GABRA5: variants seen among roughly 807,000 people sequenced by gnomAD.
The protein encoded by GABRA5 is gamma-aminobutyric acid receptor subunit alpha-5.
In GABRA5, 18 loss-of-function variants were observed where a neutral mutation model predicts 47.3. The observed-to-expected ratio is 0.38, with a 90% CI of 0.26 to 0.56. The LOEUF (loss-of-function observed/expected upper bound fraction) is 0.56. GABRA5 is among the 20% of genes least tolerant of loss of function. The probability of loss-of-function intolerance (pLI) is 0.71; values close to 1 mark genes in which losing one functional copy is unlikely to be tolerated. For missense variants in GABRA5, 365 were observed against 599.3 expected, an observed-to-expected ratio of 0.61 and a Z score of 4.08; for synonymous variants, 237 against 229.3, an observed-to-expected ratio of 1.03 and a Z score of -0.30.
At chr15:26,887,162 C>G (rs1409566120) in intron 6 of GABRA5, among the ~76,000 whole-genome samples, 2 of 152,122 alleles carry the variant, frequency 1.3e-5, no homozygotes, top group African/African-American at 4.8e-5. Context: ...GCTTTATGCA[C>G]AAAGGTGTCT....
intron 10 of GABRA5, among the ~76,000 whole-genome samples, chr15:26,946,786 A>AT (rs1332998225): frequency 2.2e-4 from 5 of 22,430 alleles, no homozygotes; most frequent in Admixed American, 1.9e-3. Flanking sequence ...AGAATTTTAT[A>AT]TCCAAAAAAA....
At chr15:26,933,073 A>G (rs1310829007) in intron 7 of GABRA5, among the ~76,000 whole-genome samples, 1 of 150,764 alleles carries the variant, frequency 6.6e-6, no homozygotes, top group Non-Finnish European at 1.5e-5. Context: ...ACAAACAGGC[A>G]CATCCTGCAC....
chr15:26,921,403 G>A (rs1287793197), intron 7 of GABRA5, among the ~76,000 whole-genome samples: 1 of 152,090 alleles, frequency 6.6e-6, no homozygotes, highest in Non-Finnish European at 1.5e-5. Flanking sequence ...TTTGTGTAGA[G>A]TTGTTCATAG....
chr15:26,891,751 C>G (rs1342204085), intron 6 of GABRA5, among the ~76,000 whole-genome samples: 1 of 152,196 alleles, frequency 6.6e-6, no homozygotes, highest in African/African-American at 2.4e-5. Flanking sequence ...TAGTGCGCAG[C>G]CAGCCTGCAC....
chr15:26,888,063 C>T (rs1892921539), intron 6 of GABRA5, among the ~76,000 whole-genome samples: 2 of 152,152 alleles, frequency 1.3e-5, no homozygotes, highest in South Asian at 4.1e-4. Flanking sequence ...AGTGAGCTGG[C>T]ATTCTTTACA....
intron 6 of GABRA5, among the ~76,000 whole-genome samples, chr15:26,891,790 C>T (rs1393322789): frequency 1.3e-5 from 2 of 152,224 alleles, no homozygotes; most frequent in African/African-American, 4.8e-5. Context: ...ACACCAGAGT[C>T]CCGAGTCAGG....
At chr15:26,873,735 C>A (rs1892525461) in intron 3 of GABRA5, among the ~76,000 whole-genome samples, 1 of 152,180 alleles carries the variant, frequency 6.6e-6, no homozygotes, top group Admixed American at 6.5e-5. Context: ...TGCACCATAG[C>A]TGCGGGTTCA....
chr15:26,939,321 A>T, intron 8 of GABRA5: 1 of 765,316 alleles, frequency 1.3e-6, no homozygotes, highest in Non-Finnish European at 2.4e-6. Context: ...AATCCAGAGA[A>T]GGCACTGGGG....
chr15:26,934,726 G>A (rs1894194800), intron 7 of GABRA5, among the ~76,000 whole-genome samples: 1 of 152,112 alleles, frequency 6.6e-6, no homozygotes, highest in African/African-American at 2.4e-5. Flanking sequence ...GTCCACCCTG[G>A]TAGTGAGTGT....
intron 6 of GABRA5, among the ~76,000 whole-genome samples, chr15:26,891,474 C>T (rs150973315): frequency 2.3e-4 from 35 of 152,306 alleles, no homozygotes; most frequent in Admixed American, 1.1e-3. Flanking sequence ...ATATAGCAAG[C>T]ATGCAACAGG....
At chr15:26,888,727 T>C (rs1892936791) in intron 6 of GABRA5, among the ~76,000 whole-genome samples, 1 of 152,206 alleles carries the variant, frequency 6.6e-6, no homozygotes, top group East Asian at 1.9e-4. Context: ...ACCAAGTGAA[T>C]TGGGAGGCAA....
chr15:26,873,721 T>C (rs1892525172), intron 3 of GABRA5, among the ~76,000 whole-genome samples: 1 of 152,208 alleles, frequency 6.6e-6, no homozygotes, highest in Non-Finnish European at 1.5e-5. Flanking sequence ...TGACAAATTC[T>C]TCCTGCACCA....
intron 10 of GABRA5, among the ~76,000 whole-genome samples, chr15:26,946,210 TC>T (rs1355590937): frequency 1.3e-5 from 2 of 152,214 alleles, no homozygotes; most frequent in African/African-American, 4.8e-5. Context: ...TTTTCTTTAC[TC>T]TCTTGTGTTT....
intron 6 of GABRA5, among the ~76,000 whole-genome samples, chr15:26,895,812 C>CAAAAAAAAA (rs376170037): frequency 1.8e-4 from 22 of 123,248 alleles, no homozygotes; most frequent in African/African-American, 7.5e-4. Context: ...AAGACTCCGT[C>CAAAAAAAAA]AAAAAAAAAA....
chr15:26,933,722 G>C (rs1894164127), intron 7 of GABRA5, among the ~76,000 whole-genome samples: 1 of 152,144 alleles, frequency 6.6e-6, no homozygotes, highest in African/African-American at 2.4e-5. Context: ...ATCCCCATTG[G>C]CTTATTCCTC....
intron 3 of GABRA5, among the ~76,000 whole-genome samples, chr15:26,874,052 CT>C (rs1440258329): frequency 2.0e-5 from 3 of 152,244 alleles, no homozygotes; most frequent in Non-Finnish European, 4.4e-5. Flanking sequence ...TCCGCCAAGA[CT>C]GTCTGGCAGT....
chr15:26,916,974 G>GT (rs1893730655), intron 7 of GABRA5, among the ~76,000 whole-genome samples: 1 of 152,040 alleles, frequency 6.6e-6, no homozygotes, highest in Non-Finnish European at 1.5e-5. Flanking sequence ...TTTTGGTGGA[G>GT]TTTTTTGGGT....
intron 7 of GABRA5, among the ~76,000 whole-genome samples, chr15:26,932,277 A>G (rs1310531384): frequency 2.0e-5 from 3 of 152,224 alleles, no homozygotes; most frequent in Non-Finnish European, 4.4e-5. Context: ...TTGCAAGGAA[A>G]AAAACAACCC....
chr15:26,943,159 G>A, intron 9 of GABRA5, 56 bp from the exon 10 acceptor site: 4 of 1,317,216 alleles, frequency 3.0e-6, no homozygotes, highest in Non-Finnish European at 4.2e-6. Context: ...GGGGTCCTGG[G>A]TGCCAGCACT....
Sources: allele counts gnomAD v4.1 joint callset (sites outside exome capture counted in the v4.1 genomes callset), GRCh38; gene constraint gnomAD v4.1.1; transcripts MANE v1.5; gene names NCBI Gene and HGNC (gene_info 2026-07-23, HGNC 2026-07-21).